Variants in ASB2 observed in about 807,000 individuals in gnomAD.
ASB2 encodes the protein ankyrin repeat and SOCS box containing 2, also known as ankyrin repeat and SOCS box protein 2.
Under a neutral mutation model 62.4 loss-of-function variants are expected in ASB2, and 58 were observed. The observed-to-expected ratio is 0.93, with a 90% CI of 0.75 to 1.16. The LOEUF is 1.16. Among genes scored for constraint, ASB2 ranks in the 50% most tolerant of loss-of-function variants. The pLI is 0.00. For synonymous variants in ASB2, 386 were observed against 385.3 expected (o/e 1.00, Z -0.02); for missense variants, 928 against 887.9 (o/e 1.05, Z -0.57).
At chr14:93,944,393 C>T (rs1014113917) in intron 7 of ASB2, among the ~76,000 whole-genome samples, 1 of 152,268 alleles carries the variant, frequency 6.6e-6, no homozygotes, top group Non-Finnish European at 1.5e-5. Context: ...ACCCGCATGT[C>T]ACCCCTTGCG....
In ASB2 at chr14:93,974,107, C is replaced by T. The variant is rs531605763; in HGVS notation, c.-74+2327G>A. On this transcript the variant is annotated intron_variant, in intron 1 of 9. Transcript: ENST00000555019. The stretch of plus-strand genomic sequence containing the variant: ...TTAAGTTAGATCTCACCCAAATCGG[C>T]GAGGTTCTTTTTCCTTTTTTATCCT... 6.6e-5 allele frequency: 10 copies of T among 152,300 alleles called. No individual in the cohort carries two copies. In the East Asian group the frequency reaches 1.5e-3, roughly 24 times the overall value. The allele number at this position is 152,300 out of a possible 1,614,324, so 9.4% of individuals were successfully genotyped here.
In ASB2 at chr14:93,939,601, A is replaced by G; in HGVS notation, c.1124T>C (p.Leu375Pro). The G allele has an allele frequency of 6.4e-7, 1 of 1,566,050 alleles. No individual in the cohort carries two copies. Among genetic ancestry groups the G allele is most frequent in the Non-Finnish European group, 8.6e-7 (1 of 1,162,094 alleles). Residue 375 changes from leucine to proline, a missense_variant, in exon 8 of 10, where the codon CTG (leucine) becomes CCG (proline). Leu to Pro is a moderately conservative substitution (Grantham distance 98). Coordinates refer to ENST00000555019, the MANE Select transcript of ASB2 (RefSeq NM_001202429.2). The stretch of plus-strand genomic sequence containing the variant: ...CTCGTCGTGGTTGCGCTCGGCCGCC[A>G]GGTGCAGCGGACTGACGCCGCTACG... Reference protein sequence around the residue: ...IRRSGVSPLHLAAERNHDEVL... With the variant: ...IRRSGVSPLHPAAERNHDEVL...
chr14:93,974,344 G>A (rs755770715), intron 1 of ASB2, among the ~76,000 whole-genome samples: 1 of 152,130 alleles, frequency 6.6e-6, no homozygotes, highest in Non-Finnish European at 1.5e-5. Context: ...ATATTCCTGG[G>A]CGTTAATTAT....
At position 93,947,995 on chromosome 14, in the gene ASB2, G is replaced by GAAAAAAAAAAAAAA. The variant is rs55666799; in HGVS notation, c.881-489_881-476dup. Among the ~76,000 whole-genome samples, 2 of 72,492 alleles carry GAAAAAAAAAAAAAA rather than the reference G, an allele frequency of 2.8e-5. 1 individual carries two copies. The highest frequency in any genetic ancestry group is 1.2e-4 in the African/African-American group (2 of 17,198). The allele number at this position is 72,492 out of a possible 152,430, so 47.6% of individuals were successfully genotyped here. ...GGCAACAAGAGTGAAACTCCGCCTG[G>GAAAAAAAAAAAAAA]AAAAAAAAAAAAAAAAAAAAAAAGA... On this transcript the variant is annotated intron_variant, in intron 6 of 9. Transcript: ENST00000555019.
In ASB2 at chr14:93,947,855, A is replaced by G. The variant is rs535264225; in HGVS notation, c.881-335T>C. ...CTAAAAATACAAAAATTAGCTGGGC[A>G]TGGTGGTGGGCGCCAGTAATCCCAG... On this transcript the variant is annotated intron_variant, in intron 6 of 9. Coordinates refer to ENST00000555019, the MANE Select transcript of ASB2 (RefSeq NM_001202429.2). 2.6e-5 allele frequency among the ~76,000 whole-genome samples: 4 copies of G among 152,028 alleles called. No individual in the cohort carries two copies. The East Asian group carries it at 5.8e-4, about 22-fold the overall frequency.
At chr14:93,946,367 CA>C (rs1217667889) in intron 7 of ASB2, among the ~76,000 whole-genome samples, 4 of 152,260 alleles carry the variant, frequency 2.6e-5, no homozygotes, top group African/African-American at 9.6e-5. Context: ...GCTGGAGCTT[CA>C]CCTCTGCGGC....
At chr14:93,937,937 G>A in intron 8 of ASB2, 86 bp from the exon 9 acceptor site, 2 of 1,376,954 alleles carry the variant, frequency 1.5e-6, no homozygotes, top group Non-Finnish European at 9.9e-7. Context: ...ATGTGTCCAA[G>A]CACAGACACT....
chr14:93,935,208 C>T (rs866300278), intron 9 of ASB2, among the ~76,000 whole-genome samples: 3 of 152,174 alleles, frequency 2.0e-5, no homozygotes, highest in Non-Finnish European at 4.4e-5. Context: ...AGTGCCCCTA[C>T]ATGTGGAATT....
rs1010253426 is a variant in ASB2, at chr14:93,954,527, G to A, written c.312-44C>T. ...GGTCAGTCCTCAAGGTCAGGCCAAGGCCAGGCCAGGGGGCCTCTCTCTCAG... is the reference window on the plus strand; with the variant it reads ...GGTCAGTCCTCAAGGTCAGGCCAAGACCAGGCCAGGGGGCCTCTCTCTCAG... On this transcript the variant is annotated intron_variant, in intron 3 of 9. Transcript: ENST00000555019. 6 of 1,592,376 alleles carry A rather than the reference G, an allele frequency of 3.8e-6. No homozygotes were observed. In the African/African-American group the frequency reaches 5.4e-5, roughly 14 times the overall value.
intron 2 of ASB2, among the ~76,000 whole-genome samples, chr14:93,962,027 C>T (rs1166167325): frequency 6.8e-6 from 1 of 147,990 alleles, no homozygotes; most frequent in Non-Finnish European, 1.5e-5. Context: ...CTTTTGTAAA[C>T]ATTAAGTGAA....
chr14:93,943,620 G>T (rs549619810), intron 7 of ASB2, among the ~76,000 whole-genome samples: 1 of 152,304 alleles, frequency 6.6e-6, no homozygotes, highest in African/African-American at 2.4e-5. Flanking sequence ...CTCCAGCTTG[G>T]GTGACAGAGA....
At chr14:93,938,966 T>C in intron 8 of ASB2, 142 bp downstream of exon 8, 1 of 753,330 alleles carries the variant, frequency 1.3e-6, no homozygotes, top group East Asian at 3.3e-5. Flanking sequence ...CTGGCCCCAC[T>C]TCCCCCGAAG....
In ASB2 at chr14:93,947,539, T is replaced by G; in HGVS notation, c.881-19A>C. ...TCAGCACCTGGGGAAGGAGAAGAGA[T>G]CAGCAAGTGGCCAAGTGACCGGGAA... On this transcript the variant is annotated intron_variant, in intron 6 of 9. Coordinates refer to ENST00000555019, the MANE Select transcript of ASB2 (RefSeq NM_001202429.2). The G allele has an allele frequency of 6.2e-7, 1 of 1,611,620 alleles. No homozygotes were observed. The highest frequency in any genetic ancestry group is 8.5e-7 in the Non-Finnish European group (1 of 1,179,092).
Position 93,964,564 on chromosome 14 carries a change from TCCAGAACAGACAC to T in ASB2, c.-38_-26del. 2.0e-6 allele frequency: 3 copies of T among 1,534,570 alleles called. No homozygotes were observed. Among genetic ancestry groups the T allele is most frequent in the Non-Finnish European group, 2.6e-6 (3 of 1,145,704 alleles). ...TCCTCCTCCACCTCTCACCCTGGCC[TCCAGAACAGACAC>T]CCAGTGGGGAGGAGGGAACAGCAAA... is the stretch of plus-strand genomic sequence containing the variant. On this transcript the variant is annotated 5_prime_UTR_variant, in exon 2 of 10. Coordinates refer to ENST00000555019, the MANE Select transcript of ASB2 (RefSeq NM_001202429.2).
At chr14:93,947,014 C>A (rs1888752128) in intron 7 of ASB2, among the ~76,000 whole-genome samples, 1 of 152,234 alleles carries the variant, frequency 6.6e-6, no homozygotes, top group African/African-American at 2.4e-5. Flanking sequence ...CTCTCTGTGT[C>A]TTAGCTTCCT....
chr14:93,970,652 G>C (rs1161866601), intron 1 of ASB2, among the ~76,000 whole-genome samples: 3 of 152,124 alleles, frequency 2.0e-5, no homozygotes, highest in African/African-American at 4.8e-5. Context: ...ATGAACGATA[G>C]GATCATGACA....
Position 93,937,946 on chromosome 14 carries a change from C to A in ASB2, c.1618-95G>T. On this transcript the variant is annotated intron_variant, in intron 8 of 9. Transcript: ENST00000555019. ...CAGCGGATGTGTCCAAGCACAGACA[C>A]TGTGCACACCCAGGCTAGGATCCCC... 3.1e-6 allele frequency: 4 copies of A among 1,282,712 alleles called. No individual in the cohort carries two copies. The African/African-American group carries it at 5.9e-5, about 19-fold the overall frequency. The allele number at this position is 1,282,712 out of a possible 1,614,324, so 79.5% of individuals were successfully genotyped here.
In ASB2 at chr14:93,966,214, C is replaced by A. The variant is rs186126130; in HGVS notation, c.-73-1602G>T. Reference sequence around the variant, plus strand: ...CGGATAGTCCCCTCAATGGCCATTTCCCCCATCTTCCCTGATAGCAGAACC... The same window carrying A: ...CGGATAGTCCCCTCAATGGCCATTTACCCCATCTTCCCTGATAGCAGAACC... On this transcript the variant is annotated intron_variant, in intron 1 of 9. Coordinates refer to ENST00000555019, the MANE Select transcript of ASB2 (RefSeq NM_001202429.2). 6.0e-3 allele frequency among the ~76,000 whole-genome samples: 915 copies of A among 152,320 alleles called. 5 individuals are homozygous for A. Among genetic ancestry groups the A allele is most frequent in the Middle Eastern group, 0.01 (3 of 294 alleles).
intron 1 of ASB2, 135 bp from the exon 2 acceptor site, chr14:93,964,747 C>T (rs2141314420): frequency 1.7e-6 from 1 of 601,802 alleles, no homozygotes; most frequent in Admixed American, 2.7e-5. Flanking sequence ...CATGACCCAC[C>T]TAACCACCTA....
Sources: gnomAD v4.1 joint callset for allele counts (sites outside exome capture counted in the v4.1 genomes callset) on GRCh38, gnomAD v4.1.1 for gene constraint, MANE v1.5 for transcripts, NCBI Gene and HGNC (gene_info 2026-07-23, HGNC 2026-07-21) for gene names.